Variants in POLR2B observed in about 807,000 individuals in gnomAD.
POLR2B encodes DNA-directed RNA polymerase II subunit RPB2.
In POLR2B, 57 loss-of-function variants were observed where a neutral mutation model predicts 144.6. The ratio of observed to expected loss-of-function variants is 0.39; its 90% CI spans 0.32 to 0.49. The LOEUF (loss-of-function observed/expected upper bound fraction) is 0.49, where lower values mean the gene tolerates loss of function less well. Among genes scored for constraint, POLR2B ranks in the 20% least tolerant of loss-of-function variants. POLR2B has a pLI of 0.83. For missense variants in POLR2B, 595 were observed against 1,467.4 expected (o/e 0.41, Z 9.71); for synonymous variants, 442 against 469.8 (o/e 0.94, Z 0.77).
At chr4:56,985,234 T>G (rs991822571) in intron 1 of POLR2B, 2 of 800,332 alleles carry the variant, frequency 2.5e-6, no homozygotes, top group African/African-American at 3.7e-5. Context: ...AAAATTTTAT[T>G]TTATTTTTTT....
Position 57,010,833 on chromosome 4 carries a change from T to A in POLR2B, c.1634T>A (p.Leu545Ter), listed in dbSNP as rs542066901. 1 of 1,610,684 alleles carries A rather than the reference T, an allele frequency of 6.2e-7. No individual in the cohort carries two copies. Among genetic ancestry groups the A allele is most frequent in the African/African-American group, 1.3e-5 (1 of 74,974 alleles). ...GSQPSPILEF[L>*]EEWSMENLEE... ...CAACCATCTCCAATTCTGGAATTTT[T>A]AGAAGAATGGAGTATGGAAAATTTA... The change falls in exon 12 of 25, where the codon TTA (leucine) becomes TAA (stop). Residue 545 changes from leucine to a stop codon, truncating the protein, a stop_gained. Transcript: ENST00000314595. LOFTEE classifies it high-confidence loss of function.
Position 57,006,844 on chromosome 4 carries a change from C to A in POLR2B, c.1246C>A (p.Arg416=), listed in dbSNP as rs373213737. The A allele has an allele frequency of 1.2e-6, 2 of 1,612,746 alleles. No individual in the cohort carries two copies. The highest frequency in any genetic ancestry group is 2.2e-5 in the South Asian group (2 of 90,970). The change falls in exon 10 of 25, where the codon CGG becomes AGG. Residue 416 remains arginine (R), a synonymous_variant. Coordinates refer to ENST00000314595, the MANE Select transcript of POLR2B (RefSeq NM_000938.3). ...GMFKNLLKEV[R]IYAQKFIDRG... is the part of the protein sequence containing the mutation. The stretch of plus-strand genomic sequence containing the variant: ...GTTTAAGAATTTGCTTAAAGAAGTG[C>A]GGATCTATGCACAGAAATTTATTGA...
chr4:57,024,870 C>A lies in POLR2B; in HGVS notation c.2965-16C>A, dbSNP rs746240820. On this transcript the variant is annotated splice_polypyrimidine_tract_variant and intron_variant, in intron 21 of 24. Coordinates refer to ENST00000314595, the MANE Select transcript of POLR2B (RefSeq NM_000938.3). ...GACTGAAGCAACATTTTAAAGAGTA[C>A]TTTTTTTTTTAAAAGGTATCGGCTA... is the stretch of plus-strand genomic sequence containing the variant. The A allele has an allele frequency of 7.1e-6, 9 of 1,265,024 alleles. No individual in the cohort carries two copies. In the East Asian group the frequency reaches 7.5e-5, roughly 11 times the overall value. The allele number at this position is 1,265,024 out of a possible 1,614,324, so 78.4% of individuals were successfully genotyped here. A position where few individuals can be genotyped will look rare whatever the true frequency, so the allele number is the denominator to read the frequency against.
rs527504238 is a variant in POLR2B at position 56,985,769 on chromosome 4, G to A, written c.20-585G>A. ...TGACAGAAACTTCATTGCCTTTTCTGACCTGGCTTCTGAAGTCATGCAGCA... is the reference window on the plus strand; with the variant it reads ...TGACAGAAACTTCATTGCCTTTTCTAACCTGGCTTCTGAAGTCATGCAGCA... On this transcript the variant is annotated intron_variant, in intron 1 of 24. Coordinates refer to ENST00000314595, the MANE Select transcript of POLR2B (RefSeq NM_000938.3). Among the ~76,000 whole-genome samples, 10 of 152,236 alleles carry A rather than the reference G, an allele frequency of 6.6e-5. No homozygotes were observed. In the South Asian group the frequency reaches 2.1e-3, roughly 32 times the overall value.
chr4:56,999,527 A>T, intron 6 of POLR2B, 90 bp from the exon 7 acceptor site: 1 of 802,606 alleles, frequency 1.2e-6, no homozygotes, highest in East Asian at 2.8e-5. Context: ...GTGCACAAAG[A>T]ATATATATAT....
At chr4:57,021,339 C>G (rs1009071329) in intron 17 of POLR2B, among the ~76,000 whole-genome samples, 2 of 151,886 alleles carry the variant, frequency 1.3e-5, no homozygotes, top group Non-Finnish European at 2.9e-5. Context: ...GTTTGATTGT[C>G]GACAAACAGA....
chr4:56,981,608 T>A (rs1222545751), intron 1 of POLR2B, among the ~76,000 whole-genome samples: 1 of 152,252 alleles, frequency 6.6e-6, no homozygotes, highest in Non-Finnish European at 1.5e-5. Context: ...GCCCATGTCC[T>A]CTGAAATGTT....
chr4:57,016,911 T>TAAAA (rs1460408951), intron 14 of POLR2B, 132 bp from the exon 15 acceptor site: 9 of 247,752 alleles, frequency 3.6e-5, no homozygotes, highest in African/African-American at 2.1e-4. Flanking sequence ...TATATATATA[T>TAAAA]ATAAATATAT....
At chr4:57,013,294 C>A (rs1452093134) in intron 13 of POLR2B, among the ~76,000 whole-genome samples, 1 of 151,980 alleles carries the variant, frequency 6.6e-6, no homozygotes, top group Non-Finnish European at 1.5e-5. Context: ...GGGTTTTGAC[C>A]CAGGCTTATT....
chr4:57,006,767 T>C (rs763884941), intron 9 of POLR2B, 49 bp from the exon 10 acceptor site: 2 of 1,399,388 alleles, frequency 1.4e-6, no homozygotes, highest in Non-Finnish European at 2.0e-6. Flanking sequence ...GTTGAGAATA[T>C]ATGTTGTAGA....
rs543828387 is a variant in POLR2B, at chr4:56,983,057, A to G, written c.20-3297A>G. Among the ~76,000 whole-genome samples the G allele has an allele frequency of 2.0e-5, 3 of 152,254 alleles. No homozygotes were observed. In the East Asian group the frequency reaches 5.8e-4, roughly 29 times the overall value. ...CCTAGATTACTCCTAACTGATTTGT[A>G]TACTTCCAATCCACTCTCCACACTG... On this transcript the variant is annotated intron_variant, in intron 1 of 24. Transcript: ENST00000314595.
intron 2 of POLR2B, among the ~76,000 whole-genome samples, chr4:56,989,060 C>T (rs1243694520): frequency 1.3e-5 from 2 of 151,948 alleles, no homozygotes; most frequent in Non-Finnish European, 2.9e-5. Flanking sequence ...ATCAAGTGAT[C>T]TTGTGAATGT....
chr4:56,981,941 C>T (rs1722168263), intron 1 of POLR2B, among the ~76,000 whole-genome samples: 1 of 152,210 alleles, frequency 6.6e-6, no homozygotes, highest in Non-Finnish European at 1.5e-5. Context: ...GTCTTCAAAA[C>T]TGTTGATGAC....
In POLR2B at chr4:57,005,597, A is replaced by ATTTT; in HGVS notation, c.1098-3_1098-2insTTTT. ...TTCTTTCTTTCTTTTTTTTTTTTTA[A>ATTTT]AGATACATGGTTCATAGGTTACTTC... On this transcript the variant is annotated splice_polypyrimidine_tract_variant and splice_region_variant and intron_variant, in intron 8 of 24. Coordinates refer to ENST00000314595, the MANE Select transcript of POLR2B (RefSeq NM_000938.3). The ATTTT allele has an allele frequency of 6.7e-7, 1 of 1,498,578 alleles. No individual in the cohort carries two copies. Among genetic ancestry groups the ATTTT allele is most frequent in the African/African-American group, 1.5e-5 (1 of 68,658 alleles). 92.8% of individuals were successfully genotyped at this position (1,498,578 alleles called of 1,614,324 possible). A position where few individuals can be genotyped will look rare whatever the true frequency, so the allele number is the denominator to read the frequency against.
intron 6 of POLR2B, among the ~76,000 whole-genome samples, chr4:56,997,906 T>C (rs1480744093): frequency 6.6e-6 from 1 of 152,184 alleles, no homozygotes; most frequent in Non-Finnish European, 1.5e-5. Flanking sequence ...CCCCAGGTGA[T>C]TGTGATGTGC....
At chr4:56,985,210 A>G (rs1722279843) in intron 1 of POLR2B, 2 of 540,990 alleles carry the variant, frequency 3.7e-6, no homozygotes, top group South Asian at 1.6e-4. Context: ...AGAATAGTGT[A>G]TGTCTTTACA....
rs1723400840 is a variant in POLR2B, at chr4:57,017,329, A to G, written c.2154+88A>G. 1.0e-6 allele frequency: 1 copy of G among 984,196 alleles called. No individual in the cohort carries two copies. Among genetic ancestry groups the G allele is most frequent in the Non-Finnish European group, 1.5e-6 (1 of 648,812 alleles). The allele number at this position is 984,196 out of a possible 1,614,324, so 61.0% of individuals were successfully genotyped here. On this transcript the variant is annotated intron_variant, in intron 15 of 24. Transcript: ENST00000314595. The surrounding 1 kb of genome is among the most constrained non-coding windows in gnomAD (Gnocchi z 4.8). ...ACTCTGTAGTCTTATCTGGAGGGAA[A>G]AAGCCTTTTAATGAAAAGGCTATTA...
At chr4:57,014,614 T>TGCCTTA (rs545257527) in intron 13 of POLR2B, among the ~76,000 whole-genome samples, 1,638 of 151,278 alleles carry the variant, frequency 0.011, 19 homozygotes, top group Non-Finnish European at 0.014. Flanking sequence ...GCCATTCTCC[T>TGCCTTA]GCCTTAGCCT....
chr4:56,978,901 G>C lies in POLR2B; in HGVS notation c.-85G>C. The C allele has an allele frequency of 1.5e-6, 2 of 1,323,388 alleles. No homozygotes were observed. The highest frequency in any genetic ancestry group is 2.2e-6 in the Non-Finnish European group (2 of 914,940). The allele number at this position is 1,323,388 out of a possible 1,614,324, so 82.0% of individuals were successfully genotyped here. Reference sequence around the variant, plus strand: ...GAACGTCGGAGACGGAAGTTACTTCGTCTTTAGCTCCTGGCGCTGCTGGCT... The same window carrying C: ...GAACGTCGGAGACGGAAGTTACTTCCTCTTTAGCTCCTGGCGCTGCTGGCT... On this transcript the variant is annotated 5_prime_UTR_variant, in exon 1 of 25. Transcript: ENST00000314595.
Sources: gnomAD v4.1 joint callset for allele counts (sites outside exome capture counted in the v4.1 genomes callset) on GRCh38, gnomAD v4.1.1 for gene constraint, Gnocchi (gnomAD v3.1) non-coding constraint, MANE v1.5 for transcripts, NCBI Gene and HGNC (gene_info 2026-07-23, HGNC 2026-07-21) for gene names.